NXPE3: variants seen among roughly 807,000 people sequenced by gnomAD.
The protein encoded by NXPE3 is neurexophilin and PC-esterase domain family member 3, also known as NXPE family member 3.
In NXPE3, 26 loss-of-function variants were observed where a neutral mutation model predicts 46.1. The observed-to-expected ratio is 0.56, with a 90% CI of 0.41 to 0.78. The LOEUF (loss-of-function observed/expected upper bound fraction) is 0.78, where lower values mean the gene tolerates loss of function less well. NXPE3 is among the 30% of genes least tolerant of loss of function. NXPE3 has a pLI of 0.00. For synonymous variants in NXPE3, 272 were observed against 257.9 expected, an observed-to-expected ratio of 1.05 and a Z score of -0.52; for missense variants, 620 against 686.0, an observed-to-expected ratio of 0.90 and a Z score of 1.07.
intron 7 of NXPE3, among the ~76,000 whole-genome samples, chr3:101,820,068 A>C (rs1942179538): frequency 6.6e-6 from 1 of 152,218 alleles, no homozygotes; most frequent in Admixed American, 6.5e-5. Context: ...ATGTTGTTAC[A>C]AATGACGGAA....
intron 4 of NXPE3, among the ~76,000 whole-genome samples, chr3:101,799,013 A>G (rs1482918205): frequency 6.6e-6 from 1 of 152,012 alleles, no homozygotes; most frequent in Non-Finnish European, 1.5e-5. Context: ...ATAGCTCACT[A>G]CAACCTGGAG....
At chr3:101,797,312 A>G (rs1025320466) in intron 4 of NXPE3, among the ~76,000 whole-genome samples, 4 of 152,106 alleles carry the variant, frequency 2.6e-5, no homozygotes, top group African/African-American at 4.8e-5. Context: ...GCAGTGTATC[A>G]TGGGTGGTTA....
At chr3:101,781,732 A>C (rs1026350791) in intron 1 of NXPE3, 1 of 152,220 alleles carries the variant, frequency 6.6e-6, no homozygotes, top group Non-Finnish European at 1.5e-5. Context: ...ATCTGTACAG[A>C]TACCCCTTTT....
At chr3:101,814,295 T>TA (rs1941868173) in intron 6 of NXPE3, among the ~76,000 whole-genome samples, 1 of 152,230 alleles carries the variant, frequency 6.6e-6, no homozygotes, top group Admixed American at 6.5e-5. Flanking sequence ...TGCAGTAACA[T>TA]ATTAAAGCTA....
Position 101,823,071 on chromosome 3 carries a change from G to A in NXPE3, c.*1117G>A, listed in dbSNP as rs1402857195. On this transcript the variant is annotated 3_prime_UTR_variant, in exon 8 of 8. Coordinates refer to ENST00000273347, the MANE Select transcript of NXPE3 (RefSeq NM_145037.4). ...AAGAATGGAATTATTAATTTTATTT[G>A]ACTTATTAATTTTAAACGAGTTTAA... 1 of 151,996 alleles carries A rather than the reference G, an allele frequency of 6.6e-6. No homozygotes were observed. Among genetic ancestry groups the A allele is most frequent in the Non-Finnish European group, 1.5e-5 (1 of 67,996 alleles). The allele number at this position is 151,996 out of a possible 1,614,324, so 9.4% of individuals were successfully genotyped here.
At chr3:101,784,143 A>G (rs1325314617) in intron 3 of NXPE3, among the ~76,000 whole-genome samples, 2 of 152,240 alleles carry the variant, frequency 1.3e-5, no homozygotes, top group Admixed American at 1.3e-4. Context: ...TGTACCATGT[A>G]AAGAACTAAG....
rs71132598 is a variant in NXPE3 at position 101,808,818 on chromosome 3, G to GATATAGATATATATATATATATATAT, written c.922+1697_922+1698insGATATATATATATATATATATATATA. ...ACCAAATGAATTACTAATTTTAGAG[G>GATATAGATATATATATATATATATAT]ATATATATATATATATATATATATA... On this transcript the variant is annotated intron_variant, in intron 6 of 7. Coordinates refer to ENST00000273347, the MANE Select transcript of NXPE3 (RefSeq NM_145037.4). 4.2e-4 allele frequency among the ~76,000 whole-genome samples: 13 copies of GATATAGATATATATATATATATATAT among 30,810 alleles called. 1 individual carries two copies. Among genetic ancestry groups the GATATAGATATATATATATATATATAT allele is most frequent in the South Asian group, 3.7e-3 (2 of 540 alleles). 20.2% of individuals were successfully genotyped at this position (30,810 alleles called of 152,430 possible).
At chr3:101,796,489 G>A (rs1331608865) in intron 4 of NXPE3, among the ~76,000 whole-genome samples, 2 of 152,196 alleles carry the variant, frequency 1.3e-5, no homozygotes, top group Non-Finnish European at 2.9e-5. Flanking sequence ...TCAGTTGGGC[G>A]AGGAAGAAAG....
Position 101,826,185 on chromosome 3 carries a change from A to G in NXPE3, c.*4231A>G, listed in dbSNP as rs1942479227. On this transcript the variant is annotated 3_prime_UTR_variant, in exon 8 of 8. Transcript: ENST00000273347. The stretch of plus-strand genomic sequence containing the variant: ...GTAAATCAGGGTACTTGACAAGAAT[A>G]AATATGGTACGCCTTTATATATTCA... The G allele has an allele frequency of 6.6e-6, 1 of 152,240 alleles. No homozygotes were observed. Among genetic ancestry groups the G allele is most frequent in the African/African-American group, 2.4e-5 (1 of 41,468 alleles). The allele number at this position is 152,240 out of a possible 1,614,324, so 9.4% of individuals were successfully genotyped here.
At chr3:101,790,830 A>G (rs1174602900) in intron 4 of NXPE3, among the ~76,000 whole-genome samples, 3 of 152,188 alleles carry the variant, frequency 2.0e-5, no homozygotes, top group African/African-American at 7.2e-5. Context: ...TCCTGGGCTC[A>G]AGTGATCCAG....
In NXPE3 at chr3:101,779,242, G is replaced by C. The variant is rs1319956375; in HGVS notation, c.-580G>C. The C allele has an allele frequency of 6.6e-6, 1 of 152,322 alleles. No individual in the cohort carries two copies. The highest frequency in any genetic ancestry group is 1.5e-5 in the Non-Finnish European group (1 of 68,130). 9.4% of individuals were successfully genotyped at this position (152,322 alleles called of 1,614,324 possible). The stretch of plus-strand genomic sequence containing the variant: ...ACGTCGCCGGGTGAGGAAGCGGGGG[G>C]CTAGCGGCCTGGCGCTGCGGCGACC... On this transcript the variant is annotated 5_prime_UTR_variant, in exon 1 of 8. Coordinates refer to ENST00000273347, the MANE Select transcript of NXPE3 (RefSeq NM_145037.4).
chr3:101,815,182 T>C (rs913908695), intron 6 of NXPE3, among the ~76,000 whole-genome samples: 2 of 152,214 alleles, frequency 1.3e-5, no homozygotes, highest in Admixed American at 6.5e-5. Context: ...TGTTATCAAG[T>C]GTAACTAGGT....
At chr3:101,813,988 G>A (rs1941846955) in intron 6 of NXPE3, among the ~76,000 whole-genome samples, 1 of 152,144 alleles carries the variant, frequency 6.6e-6, no homozygotes. Flanking sequence ...CATGTTTAAA[G>A]AATTAATGTC....
intron 7 of NXPE3, among the ~76,000 whole-genome samples, chr3:101,818,715 T>TTA (rs61602305): frequency 9.8e-3 from 372 of 38,010 alleles, no homozygotes; most frequent in Middle Eastern, 0.024. Flanking sequence ...ATATGACAAT[T>TTA]TATATATATA....
intron 1 of NXPE3, among the ~76,000 whole-genome samples, chr3:101,780,114 A>G (rs1560031227): frequency 6.6e-6 from 1 of 152,324 alleles, no homozygotes; most frequent in East Asian, 1.9e-4. Context: ...AAGATAAAGA[A>G]TCACACTGCT....
intron 4 of NXPE3, among the ~76,000 whole-genome samples, chr3:101,792,359 T>G (rs1940568171): frequency 6.6e-6 from 1 of 152,222 alleles, no homozygotes; most frequent in African/African-American, 2.4e-5. Flanking sequence ...TGGGATGGTA[T>G]TGCCTAGGTG....
chr3:101,783,405 G>A (rs937022007), intron 3 of NXPE3, among the ~76,000 whole-genome samples: 2 of 152,146 alleles, frequency 1.3e-5, no homozygotes, highest in African/African-American at 2.4e-5. Context: ...TGTGCCTCAC[G>A]CAACATCTAT....
chr3:101,782,487 A>G (rs565853839), intron 2 of NXPE3, among the ~76,000 whole-genome samples, 173 bp from the exon 3 acceptor site: 4 of 152,134 alleles, frequency 2.6e-5, no homozygotes, highest in South Asian at 4.1e-4. Flanking sequence ...TTACACTACA[A>G]TTACCTCATG....
At position 101,801,764 on chromosome 3, in the gene NXPE3, T is replaced by C. The variant is rs771052889; in HGVS notation, c.623T>C (p.Val208Ala). 3 of 1,614,158 alleles carry C rather than the reference T, an allele frequency of 1.9e-6. No homozygotes were observed. In the South Asian group the frequency reaches 3.3e-5, roughly 18 times the overall value. The change falls in exon 5 of 8, where the codon GTC becomes GCC. Residue 208 changes from valine to alanine, a missense_variant. By Grantham distance (64) the Val-to-Ala change is moderately conservative. This residue lies in a region of NXPE3 where 511 missense variants were observed against 528.6 expected (regional missense o/e 0.97). Transcript: ENST00000273347. ...QRLQEDKPDR[V>A]YFKSLFRSGR... The stretch of plus-strand genomic sequence containing the variant: ...TTACAGGAAGATAAACCAGACAGGG[T>C]CTATTTCAAGAGTCTCTTCCGTTCA...
Sources: gnomAD v4.1 joint callset for allele counts (sites outside exome capture counted in the v4.1 genomes callset) on GRCh38, gnomAD v4.1.1 for gene constraint, gnomAD v4.1.1 regional missense constraint, MANE v1.5 for transcripts, NCBI Gene and HGNC (gene_info 2026-07-23, HGNC 2026-07-21) for gene names.